Variants in MYOCD observed in about 807,000 individuals in gnomAD.
MYOCD encodes myocardin.
MYOCD carries 32 observed loss-of-function variants against 96.1 expected under a neutral mutation model. That is an observed-to-expected ratio of 0.33 (90% CI 0.25 to 0.45). The LOEUF (loss-of-function observed/expected upper bound fraction) is 0.45, where lower values mean the gene tolerates loss of function less well. Ranked by LOEUF, MYOCD falls within the 20% of genes least tolerant of loss-of-function variation. MYOCD has a pLI of 1.00. For missense variants in MYOCD, 1,133 were observed against 1,200.6 expected, an observed-to-expected ratio of 0.94 and a Z score of 0.83; for synonymous variants, 469 against 469.0, an observed-to-expected ratio of 1.00 and a Z score of 0.00.
chr17:12,753,047 G>A lies in MYOCD; in HGVS notation c.1759G>A (p.Val587Met). The A allele has an allele frequency of 6.2e-7, 1 of 1,614,230 alleles. No individual in the cohort carries two copies. The highest frequency in any genetic ancestry group is 8.5e-7 in the Non-Finnish European group (1 of 1,180,046). ...SSCPFASQVP[V>M]KRQSSSSECH... ...CTGTCCTTTTGCATCCCAAGTACCT[G>A]TGAAAAGACAAAGCAGCAGCTCAGA... is the stretch of plus-strand genomic sequence containing the variant. Residue 587 changes from valine to methionine, a missense_variant, in exon 10 of 14, where the codon GTG becomes ATG. Physicochemically the swap from Val to Met is conservative, Grantham distance 21. Transcript: ENST00000425538.
intron 10 of MYOCD, among the ~76,000 whole-genome samples, chr17:12,754,014 A>G (rs921971018): frequency 6.6e-6 from 1 of 152,036 alleles, no homozygotes; most frequent in Non-Finnish European, 1.5e-5. Context: ...AAAGTTAATT[A>G]TGTACTATAT....
At chr17:12,722,697 C>T (rs974332175) in intron 4 of MYOCD, 150 bp from the exon 5 acceptor site, 1 of 636,436 alleles carries the variant, frequency 1.6e-6, no homozygotes, top group African/African-American at 1.8e-5. Flanking sequence ...GTGCTAATCC[C>T]TGTAAAGTGA....
intron 1 of MYOCD, among the ~76,000 whole-genome samples, chr17:12,684,738 C>T (rs538847789): frequency 6.7e-6 from 1 of 149,980 alleles, no homozygotes; most frequent in South Asian, 2.1e-4. Context: ...CCCAGCTACT[C>T]GGGAGGCTGA....
At chr17:12,670,664 C>T (rs1228978199) in intron 1 of MYOCD, among the ~76,000 whole-genome samples, 1 of 152,122 alleles carries the variant, frequency 6.6e-6, no homozygotes, top group Non-Finnish European at 1.5e-5. Flanking sequence ...TAATTTAATT[C>T]ACCTTTTTAG....
chr17:12,714,670 GT>G (rs1218555808), intron 2 of MYOCD, among the ~76,000 whole-genome samples: 1 of 152,186 alleles, frequency 6.6e-6, no homozygotes, highest in African/African-American at 2.4e-5. Flanking sequence ...GCTCAAAGGA[GT>G]TTATTAAATC....
intron 1 of MYOCD, among the ~76,000 whole-genome samples, chr17:12,675,239 C>T (rs771378955): frequency 9.2e-5 from 14 of 151,982 alleles, no homozygotes; most frequent in African/African-American, 2.4e-4. Flanking sequence ...TTGATAATAT[C>T]GAGTATTGAA....
At chr17:12,667,332 T>C (rs1909429646) in intron 1 of MYOCD, among the ~76,000 whole-genome samples, 1 of 152,202 alleles carries the variant, frequency 6.6e-6, no homozygotes, top group Admixed American at 6.5e-5. Context: ...GAGATTTTCT[T>C]AGGATCTTCA....
Position 12,766,756 on chromosome 17 carries a change from G to C in MYOCD, c.*3112G>C, listed in dbSNP as rs2033349581. On this transcript the variant is annotated 3_prime_UTR_variant, in exon 14 of 14. Coordinates refer to ENST00000425538, the MANE Select transcript of MYOCD (RefSeq NM_001146312.3). ...AGATGACCATGTGTAGTTTTCTTAA[G>C]ACCTCTGAACCCCCATGGTGATGAA... The C allele has an allele frequency of 6.6e-6, 1 of 152,202 alleles. No individual in the cohort carries two copies. The highest frequency in any genetic ancestry group is 1.5e-5 in the Non-Finnish European group (1 of 68,036). The allele number at this position is 152,202 out of a possible 1,614,324, so 9.4% of individuals were successfully genotyped here.
chr17:12,683,570 CACACAT>C (rs200785672), intron 1 of MYOCD, among the ~76,000 whole-genome samples: 1 of 152,142 alleles, frequency 6.6e-6, no homozygotes, highest in African/African-American at 2.4e-5. Flanking sequence ...CACAGATACA[CACACAT>C]ACACATACAC....
chr17:12,709,542 A>G (rs953722521), intron 2 of MYOCD, among the ~76,000 whole-genome samples: 6 of 152,068 alleles, frequency 3.9e-5, no homozygotes, highest in Non-Finnish European at 8.8e-5. Flanking sequence ...ACATTTTCAA[A>G]CTCGGCATGA....
chr17:12,727,860 T>A (rs1240656272), intron 5 of MYOCD, among the ~76,000 whole-genome samples: 2 of 152,156 alleles, frequency 1.3e-5, no homozygotes, highest in African/African-American at 4.8e-5. Flanking sequence ...TCCTCTTGAG[T>A]ACCAGTTTCT....
rs942230870 is a variant in MYOCD, at chr17:12,768,749, C to T, written c.*5105C>T. 2.0e-5 allele frequency: 3 copies of T among 151,994 alleles called. No individual in the cohort carries two copies. The highest frequency in any genetic ancestry group is 2.9e-5 in the Non-Finnish European group (2 of 67,986). 9.4% of individuals were successfully genotyped at this position (151,994 alleles called of 1,614,324 possible). A position where few individuals can be genotyped will look rare whatever the true frequency, so the allele number is the denominator to read the frequency against. Reference sequence around the variant, plus strand: ...ACTTTGTAAAGAAAAAAAGAGCAAGCATAGGTTCTCTGTGGGACCTTGTGG... The same window carrying T: ...ACTTTGTAAAGAAAAAAAGAGCAAGTATAGGTTCTCTGTGGGACCTTGTGG... On this transcript the variant is annotated 3_prime_UTR_variant, in exon 14 of 14. Transcript: ENST00000425538.
intron 1 of MYOCD, among the ~76,000 whole-genome samples, chr17:12,681,494 C>G (rs1370891185): frequency 6.6e-6 from 1 of 152,192 alleles, no homozygotes; most frequent in Non-Finnish European, 1.5e-5. Flanking sequence ...CTTTCTAAAA[C>G]AACTTGAGCC....
At chr17:12,722,576 C>T (rs2031871349) in intron 4 of MYOCD, among the ~76,000 whole-genome samples, 1 of 152,204 alleles carries the variant, frequency 6.6e-6, no homozygotes, top group Non-Finnish European at 1.5e-5. Context: ...AGACTGGTTG[C>T]TTACAAAATC....
intron 3 of MYOCD, among the ~76,000 whole-genome samples, chr17:12,715,925 A>G (rs2150683566): frequency 6.6e-6 from 1 of 152,328 alleles, no homozygotes; most frequent in Middle Eastern, 3.4e-3. Context: ...TTTCTTAACA[A>G]CAATCAGATT....
At chr17:12,689,767 G>T (rs969622500) in intron 1 of MYOCD, among the ~76,000 whole-genome samples, 2 of 151,668 alleles carry the variant, frequency 1.3e-5, no homozygotes, top group Non-Finnish European at 2.9e-5. Flanking sequence ...GGAGGCAAAG[G>T]TTGCAGTGGG....
Position 12,736,193 on chromosome 17 carries a change from G to A in MYOCD, c.448G>A (p.Ala150Thr). The A allele has an allele frequency of 6.2e-7, 1 of 1,614,138 alleles. No homozygotes were observed. The highest frequency in any genetic ancestry group is 2.2e-5 in the East Asian group (1 of 44,874). The part of the protein sequence containing the change: ...NQVSFSKSTD[A>T]FAFEEDSSSD... ...GGTGAGTTTCTCCAAATCCACGGAT[G>A]CTTTTGCCTTTGAAGAGGACAGCAG... The change falls in exon 6 of 14, where the codon GCT (alanine) becomes ACT (threonine). Residue 150 changes from alanine to threonine, a missense_variant. Physicochemically the swap from Ala to Thr is moderately conservative, Grantham distance 58 (BLOSUM62 0). Coordinates refer to ENST00000425538, the MANE Select transcript of MYOCD (RefSeq NM_001146312.3).
intron 4 of MYOCD, among the ~76,000 whole-genome samples, chr17:12,720,741 G>A (rs1228594684): frequency 1.3e-5 from 2 of 152,134 alleles, no homozygotes; most frequent in Non-Finnish European, 2.9e-5. Context: ...GGTGACACCG[G>A]CCAGGTGCGG....
chr17:12,687,700 T>C (rs2030202993), intron 1 of MYOCD, among the ~76,000 whole-genome samples: 1 of 152,164 alleles, frequency 6.6e-6, no homozygotes, highest in Non-Finnish European at 1.5e-5. Flanking sequence ...TTTTAGAAAA[T>C]ACGACCATTC....
Sources: allele counts gnomAD v4.1 joint callset (sites outside exome capture counted in the v4.1 genomes callset), GRCh38; gene constraint gnomAD v4.1.1; transcripts MANE v1.5; gene names NCBI Gene and HGNC (gene_info 2026-07-23, HGNC 2026-07-21).